The following TAPBPL variants were observed in gnomAD, a reference collection of about 807,000 sequenced individuals.
TAPBPL encodes the protein TAP binding protein like, also known as tapasin-related protein.
In TAPBPL, 32 loss-of-function variants were observed where a neutral mutation model predicts 44.8. The observed-to-expected ratio is 0.71, with a 90% CI of 0.54 to 0.96. TAPBPL has a LOEUF of 0.96. Ranked by LOEUF, TAPBPL falls within the 40% of genes least tolerant of loss-of-function variation. The pLI is 0.00. For missense variants in TAPBPL, 520 were observed against 586.6 expected, an observed-to-expected ratio of 0.89 and a Z score of 1.17; for synonymous variants, 230 against 240.7, an observed-to-expected ratio of 0.96 and a Z score of 0.41.
chr12:6,457,322 G>A, intron 3 of TAPBPL, 84 bp from the exon 4 acceptor site: 1 of 1,369,728 alleles, frequency 7.3e-7, no homozygotes, highest in Non-Finnish European at 1.0e-6. Flanking sequence ...GCAGGTGTAT[G>A]CCCACAACAT....
downstream of TAPBPL, chr12:6,465,054 C>T (rs1949970759): frequency 1.3e-6 from 2 of 1,512,640 alleles, no homozygotes; most frequent in East Asian, 2.3e-5. Context: ...GAAAAAACCA[C>T]CCATCACCCA....
In TAPBPL at chr12:6,453,144, C is replaced by T. The variant is rs1389826174; in HGVS notation, c.142C>T (p.Arg48Cys). The T allele has an allele frequency of 8.1e-6, 13 of 1,599,702 alleles. No individual in the cohort carries two copies. Among genetic ancestry groups the T allele is most frequent in the Admixed American group, 1.8e-5 (1 of 56,888 alleles). Residue 48 changes from arginine to cysteine, a missense_variant, in exon 2 of 7, where the codon CGT becomes TGT. Physicochemically the swap from Arg to Cys is radical, Grantham distance 180. Coordinates refer to ENST00000266556, the MANE Select transcript of TAPBPL (RefSeq NM_018009.5). This position sits in a 1 kb window ranked among gnomAD's most constrained non-coding sequence, Gnocchi z 4.8. ...DCFLAKDGAH[R>C]GALASSEDRA... The stretch of plus-strand genomic sequence containing the variant: ...CTTCCTGGCGAAGGACGGTGCGCAC[C>T]GTGGAGCTCTCGCCAGCAGTGAGGA...
At chr12:6,469,247 A>G (rs183496043), downstream of TAPBPL, among the ~76,000 whole-genome samples, 3 of 152,354 alleles carry the variant, frequency 2.0e-5, no homozygotes, top group African/African-American at 7.2e-5. Context: ...TCTCGACTTA[A>G]GGCAGAAAAT....
downstream of TAPBPL, among the ~76,000 whole-genome samples, chr12:6,468,863 T>C (rs552867852): frequency 1.1e-4 from 16 of 152,196 alleles, no homozygotes; most frequent in East Asian, 2.9e-3. Flanking sequence ...TGATGGAGAA[T>C]AGAAATTACA....
Position 6,453,220 on chromosome 12 carries a change from G to C in TAPBPL, c.218G>C (p.Gly73Ala). 6.2e-7 allele frequency: 1 copy of C among 1,613,832 alleles called. No individual in the cohort carries two copies. Among genetic ancestry groups the C allele is most frequent in the Non-Finnish European group, 8.5e-7 (1 of 1,179,914 alleles). The change falls in exon 2 of 7, where the codon GGC becomes GCC. Residue 73 changes from glycine (G) to alanine (A), a missense_variant. Gly to Ala is a moderately conservative substitution (Grantham distance 60). Transcript: ENST00000266556. The surrounding 1 kb of genome is among the most constrained non-coding windows in gnomAD (Gnocchi z 4.8). ...AAGCAGGTGCCAGTGCTGGACGATG[G>C]CTCCCTGGAGGACTTCACCGATTTC... ...VLKQVPVLDDGSLEDFTDFQG... is the reference protein window; with the variant it reads ...VLKQVPVLDDASLEDFTDFQG...
In TAPBPL at chr12:6,457,674, G is replaced by C. The variant is rs1411733192; in HGVS notation, c.834G>C (p.Glu278Asp). 9.9e-6 allele frequency: 16 copies of C among 1,613,634 alleles called. No individual in the cohort carries two copies. The Admixed American group carries it at 2.7e-4, about 27-fold the overall frequency. The change falls in exon 4 of 7, where the codon GAG (glutamate) becomes GAC (aspartate). Residue 278 changes from glutamate to aspartate, a missense_variant. Physicochemically the swap from Glu to Asp is conservative, Grantham distance 45. Coordinates refer to ENST00000266556, the MANE Select transcript of TAPBPL (RefSeq NM_018009.5). ...LTLPGLTIQD[E>D]GTYICQITTS... Reference sequence around the variant, plus strand: ...TGCCCGGCCTCACTATACAGGACGAGGGGACCTACATTTGCCAGATCACCA... The same window carrying C: ...TGCCCGGCCTCACTATACAGGACGACGGGACCTACATTTGCCAGATCACCA...
Position 6,453,261 on chromosome 12 carries a change from G to C in TAPBPL, c.259G>C (p.Ala87Pro), listed in dbSNP as rs1949611008. 1 of 1,613,934 alleles carries C rather than the reference G, an allele frequency of 6.2e-7. No individual in the cohort carries two copies. Among genetic ancestry groups the C allele is most frequent in the African/African-American group, 1.3e-5 (1 of 74,916 alleles). Residue 87 changes from alanine (A) to proline (P), a missense_variant, in exon 2 of 7, where the codon GCC becomes CCC. Coordinates refer to ENST00000266556, the MANE Select transcript of TAPBPL (RefSeq NM_018009.5). The surrounding 1 kb of genome is among the most constrained non-coding windows in gnomAD (Gnocchi z 4.8). The part of the protein sequence containing the change: ...DFTDFQGGTL[A>P]QDDPPIIFEA... ...CACCGATTTCCAAGGGGGCACACTG[G>C]CCCAAGATGACCCACCTATTATCTT...
intron 5 of TAPBPL, among the ~76,000 whole-genome samples, chr12:6,459,300 G>C (rs1949782848): frequency 6.6e-6 from 1 of 152,206 alleles, no homozygotes; most frequent in African/African-American, 2.4e-5. Context: ...CTAGCTTAGA[G>C]GGAAGGGAAC....
At chr12:6,470,638 G>T, downstream of TAPBPL, 2 of 1,478,736 alleles carry the variant, frequency 1.4e-6, no homozygotes, top group Non-Finnish European at 1.9e-6. Flanking sequence ...GCTCCGCCTC[G>T]CGCCGACTAC....
downstream of TAPBPL, chr12:6,466,006 G>A (rs781012325): frequency 3.1e-6 from 5 of 1,614,052 alleles, no homozygotes; most frequent in East Asian, 2.2e-5. Flanking sequence ...ACCACCTGAG[G>A]AGGGCACAGA....
At chr12:6,456,638 T>G (rs1949709764) in intron 3 of TAPBPL, among the ~76,000 whole-genome samples, 2 of 148,442 alleles carry the variant, frequency 1.3e-5, no homozygotes, top group African/African-American at 2.5e-5. Flanking sequence ...CCACGTGTGT[T>G]TTTTTGTTTT....
At position 6,462,203 on chromosome 12, in the gene TAPBPL, A is replaced by C. The variant is rs2136997674; in HGVS notation, c.*54A>C. 4 of 1,468,740 alleles carry C rather than the reference A, an allele frequency of 2.7e-6. No homozygotes were observed. Among genetic ancestry groups the C allele is most frequent in the Non-Finnish European group, 2.8e-6 (3 of 1,078,836 alleles). The allele number at this position is 1,468,740 out of a possible 1,614,324, so 91.0% of individuals were successfully genotyped here. On this transcript the variant is annotated 3_prime_UTR_variant, in exon 7 of 7. Transcript: ENST00000266556. ...AAACGACACCCTTCCCCAAGCCCCC[A>C]CAGCTACTCCAACCCAAACAACAAC...
chr12:6,459,025 G>A lies in TAPBPL; in HGVS notation c.1207+78G>A, dbSNP rs1394936550. The A allele has an allele frequency of 4.0e-6, 6 of 1,489,414 alleles. No individual in the cohort carries two copies. In the African/African-American group the frequency reaches 4.2e-5, roughly 10 times the overall value. The allele number at this position is 1,489,414 out of a possible 1,614,324, so 92.3% of individuals were successfully genotyped here. Reference sequence around the variant, plus strand: ...CCTGCCCCAGCTCATCTATGGCCTTGTTCTGCTGCCCATCCACTTTGTTCG... The same window carrying A: ...CCTGCCCCAGCTCATCTATGGCCTTATTCTGCTGCCCATCCACTTTGTTCG... On this transcript the variant is annotated intron_variant, in intron 5 of 6. Coordinates refer to ENST00000266556, the MANE Select transcript of TAPBPL (RefSeq NM_018009.5).
chr12:6,461,942 A>C, intron 6 of TAPBPL, 92 bp from the exon 7 acceptor site: 1 of 1,007,776 alleles, frequency 9.9e-7, no homozygotes, highest in Non-Finnish European at 1.5e-6. Flanking sequence ...GAAGGAGCAC[A>C]GGAGGCAGAT....
intron 6 of TAPBPL, 44 bp from the exon 7 acceptor site, chr12:6,461,990 G>A (rs371361079): frequency 7.1e-6 from 11 of 1,541,870 alleles, no homozygotes; most frequent in Non-Finnish European, 9.8e-6. Context: ...GTTTGCCAGT[G>A]TGAGATGCCC....
At chr12:6,461,191 A>G in intron 6 of TAPBPL, 1 of 1,315,748 alleles carries the variant, frequency 7.6e-7, no homozygotes. Flanking sequence ...GTGCTCCCAG[A>G]AGGACTCTAA....
intron 3 of TAPBPL, among the ~76,000 whole-genome samples, chr12:6,455,176 CAT>C (rs1491251548): frequency 2.6e-5 from 4 of 152,154 alleles, no homozygotes; most frequent in Non-Finnish European, 4.4e-5. Flanking sequence ...CCCGACTCCT[CAT>C]GTGTGTATAT....
downstream of TAPBPL, chr12:6,466,217 C>T (rs921700259): frequency 6.2e-7 from 1 of 1,614,042 alleles, no homozygotes; most frequent in African/African-American, 1.3e-5. Context: ...AAACAGCTAT[C>T]TACCTACCTC....
intron 1 of TAPBPL, among the ~76,000 whole-genome samples, chr12:6,452,810 A>C (rs1346470844): frequency 1.3e-5 from 2 of 152,254 alleles, no homozygotes; most frequent in Non-Finnish European, 2.9e-5. Context: ...AACAGTTGGA[A>C]ATGCAAGCAT....
Sources: gnomAD v4.1 joint callset for allele counts (sites outside exome capture counted in the v4.1 genomes callset) on GRCh38, gnomAD v4.1.1 for gene constraint, Gnocchi (gnomAD v3.1) non-coding constraint, MANE v1.5 for transcripts, NCBI Gene and HGNC (gene_info 2026-07-23, HGNC 2026-07-21) for gene names.